Variants in UBAC1 observed in about 807,000 individuals in gnomAD.
The protein encoded by UBAC1 is UBA domain containing 1.
A neutral mutation model predicts 45.9 loss-of-function variants in UBAC1; 27 were observed. The observed-to-expected ratio is 0.59, with a 90% CI of 0.43 to 0.81. The LOEUF (loss-of-function observed/expected upper bound fraction) is 0.81, where lower values mean the gene tolerates loss of function less well. Among genes scored for constraint, UBAC1 ranks in the 30% least tolerant of loss-of-function variants. The pLI, the probability that UBAC1 is intolerant of heterozygous loss-of-function variation, is 0.00. For synonymous variants in UBAC1, 227 were observed against 215.5 expected, an observed-to-expected ratio of 1.05 and a Z score of -0.47; for missense variants, 529 against 539.2, an observed-to-expected ratio of 0.98 and a Z score of 0.19.
chr9:135,961,069 C>A lies in UBAC1; in HGVS notation c.94G>T (p.Glu32Ter). The A allele has an allele frequency of 6.3e-7, 1 of 1,581,904 alleles. No individual in the cohort carries two copies. Among genetic ancestry groups the A allele is most frequent in the Non-Finnish European group, 8.5e-7 (1 of 1,169,880 alleles). Residue 32 changes from glutamate (E) to a stop codon, truncating the protein, a stop_gained, in exon 1 of 10, where the codon GAG becomes TAG. Transcript: ENST00000371756. LOFTEE classifies it high-confidence loss of function. ...DGAEWLEEAT[E>*]DTSVEKLKER... ...TTGAGCTTCTCCACCGAGGTGTCCT[C>A]GGTGGCCTCCTCCAGCCACTCGGCG... is the stretch of plus-strand genomic sequence containing the variant.
At chr9:135,958,269 G>A (rs548731926) in intron 1 of UBAC1, among the ~76,000 whole-genome samples, 4 of 152,150 alleles carry the variant, frequency 2.6e-5, no homozygotes, top group South Asian at 2.1e-4. Flanking sequence ...GAATGGTCTC[G>A]ATCTCCTGAC....
intron 1 of UBAC1, among the ~76,000 whole-genome samples, chr9:135,959,576 T>C (rs897025258): frequency 5.3e-5 from 8 of 152,202 alleles, no homozygotes; most frequent in Middle Eastern, 3.4e-3. Flanking sequence ...GGTTTCACCA[T>C]GTTGGCCAAG....
intron 6 of UBAC1, 40 bp downstream of exon 6, chr9:135,945,849 A>G: frequency 1.3e-6 from 2 of 1,564,058 alleles, no homozygotes; most frequent in Non-Finnish European, 8.8e-7. Context: ...ACCAGGCCCC[A>G]GGTGTCTCCG....
chr9:135,938,412 A>T, intron 8 of UBAC1, 52 bp from the exon 9 acceptor site: 1 of 1,587,538 alleles, frequency 6.3e-7, no homozygotes. Flanking sequence ...GTGCCTCCGC[A>T]AGACGCCACC....
chr9:135,955,542 G>T, intron 1 of UBAC1, 127 bp from the exon 2 acceptor site: 1 of 1,055,976 alleles, frequency 9.5e-7, no homozygotes, highest in Non-Finnish European at 1.3e-6. Flanking sequence ...ATTACACCAT[G>T]GATGAAATTA....
intron 9 of UBAC1, among the ~76,000 whole-genome samples, chr9:135,935,878 T>G (rs1036061607): frequency 5.3e-5 from 8 of 151,858 alleles, no homozygotes; most frequent in Non-Finnish European, 8.8e-5. Flanking sequence ...TACAAAAAAT[T>G]AGCCGGGCAC....
rs1279042778 is a variant in UBAC1 at position 135,938,293 on chromosome 9, C to A, written c.1031G>T (p.Ser344Ile). The A allele has an allele frequency of 1.4e-5, 23 of 1,614,182 alleles. No individual in the cohort carries two copies. The highest frequency in any genetic ancestry group is 1.9e-5 in the Non-Finnish European group (23 of 1,180,046). The change falls in exon 9 of 10, where the codon AGT becomes ATT. Residue 344 changes from serine (S) to isoleucine (I), a missense_variant. Coordinates refer to ENST00000371756, the MANE Select transcript of UBAC1 (RefSeq NM_016172.3). ...EELDKGIDPD[S>I]PLFQAILDNP... is the part of the protein sequence containing the mutation. Reference sequence around the variant, plus strand: ...ATCCAGGATGGCCTGAAAGAGAGGACTGTCGGGGTCGATGCCCTTGTCCAG... The same window carrying A: ...ATCCAGGATGGCCTGAAAGAGAGGAATGTCGGGGTCGATGCCCTTGTCCAG...
chr9:135,933,597 CT>C, intron 9 of UBAC1, 82 bp from the exon 10 acceptor site: 1 of 987,312 alleles, frequency 1.0e-6, no homozygotes, highest in East Asian at 2.4e-5. Flanking sequence ...TCTTCGGCAG[CT>C]TCCTAATGAA....
At chr9:135,934,297 A>G (rs559722994) in intron 9 of UBAC1, among the ~76,000 whole-genome samples, 8 of 152,258 alleles carry the variant, frequency 5.3e-5, no homozygotes, top group African/African-American at 1.9e-4. Context: ...TCTGTTCATG[A>G]TTGGACAATC....
At chr9:135,960,204 G>A (rs1411306034) in intron 1 of UBAC1, among the ~76,000 whole-genome samples, 1 of 152,168 alleles carries the variant, frequency 6.6e-6, no homozygotes, top group Non-Finnish European at 1.5e-5. Context: ...ATAGACAGGA[G>A]GTCAGTCTGA....
chr9:135,941,810 G>T (rs549593665), intron 7 of UBAC1, among the ~76,000 whole-genome samples: 1 of 152,366 alleles, frequency 6.6e-6, no homozygotes, highest in Non-Finnish European at 1.5e-5. Flanking sequence ...CTACCACTGG[G>T]AAGGGAGGGG....
rs553722525 is a variant in UBAC1 at position 135,947,616 on chromosome 9, G to T, written c.441+182C>A. The T allele has an allele frequency of 1.4e-5, 7 of 491,264 alleles. No homozygotes were observed. In the East Asian group the frequency reaches 2.4e-4, roughly 17 times the overall value. The allele number at this position is 491,264 out of a possible 1,614,324, so 30.4% of individuals were successfully genotyped here. On this transcript the variant is annotated intron_variant, in intron 4 of 9. Coordinates refer to ENST00000371756, the MANE Select transcript of UBAC1 (RefSeq NM_016172.3). ...TCAGATGGCTTTCCAACTCTTACTT[G>T]GAAATAATTTTTGATTTACAGAAAA...
chr9:135,934,118 T>A (rs1025633761), intron 9 of UBAC1, among the ~76,000 whole-genome samples: 2 of 152,196 alleles, frequency 1.3e-5, no homozygotes, highest in African/African-American at 2.4e-5. Context: ...TGCCAGCCCC[T>A]CTGCCAGGAT....
At position 135,953,636 on chromosome 9, in the gene UBAC1, A is replaced by G. The variant is rs375188942; in HGVS notation, c.333+44T>C. 7.2e-4 allele frequency: 1,128 copies of G among 1,567,234 alleles called. 4 individuals carry two copies. In the African/African-American group the frequency reaches 0.013, roughly 18 times the overall value. ...CCCAGCCTGTAATTCTTAAATGTAG[A>G]CTTCTACCAACCAAGGTCCCCAATT... On this transcript the variant is annotated intron_variant, in intron 3 of 9. Transcript: ENST00000371756.
chr9:135,943,167 C>A (rs1291057010), intron 7 of UBAC1, among the ~76,000 whole-genome samples: 2 of 152,166 alleles, frequency 1.3e-5, no homozygotes, highest in Admixed American at 1.3e-4. Flanking sequence ...CACCTGTAAT[C>A]CCAGCACTTT....
rs770677062 is a variant in UBAC1, at chr9:135,945,915, T to C, written c.627A>G (p.Arg209=). 37 of 1,613,958 alleles carry C rather than the reference T, an allele frequency of 2.3e-5. No individual in the cohort carries two copies. Among genetic ancestry groups the C allele is most frequent in the Non-Finnish European group, 3.1e-5 (36 of 1,179,998 alleles). The part of the protein sequence containing the change: ...QLTEMGFPEN[R]ATKALQLNHM... ...GGTTCAGCTGAAGGGCCTTGGTGGC[T>C]CTGTTCTCCGGAAAGCCCATCTCCG... The change falls in exon 6 of 10, where the codon AGA becomes AGG. Residue 209 remains arginine, a synonymous_variant. Transcript: ENST00000371756.
At chr9:135,949,329 A>T (rs1839378385) in intron 3 of UBAC1, among the ~76,000 whole-genome samples, 1 of 152,194 alleles carries the variant, frequency 6.6e-6, no homozygotes. Flanking sequence ...AGAGAAAAGA[A>T]AACAAGGAGA....
At chr9:135,936,147 C>G (rs1839201298) in intron 9 of UBAC1, among the ~76,000 whole-genome samples, 1 of 151,722 alleles carries the variant, frequency 6.6e-6, no homozygotes, top group African/African-American at 2.4e-5. Flanking sequence ...CATCACTGCA[C>G]TCTAGCCTGG....
At chr9:135,953,379 C>T (rs1415815699) in intron 3 of UBAC1, among the ~76,000 whole-genome samples, 3 of 152,144 alleles carry the variant, frequency 2.0e-5, no homozygotes, top group South Asian at 2.1e-4. Flanking sequence ...TGCAGTGGCA[C>T]GATCTCGGCT....
Sources: allele counts gnomAD v4.1 joint callset (sites outside exome capture counted in the v4.1 genomes callset), GRCh38; gene constraint gnomAD v4.1.1; transcripts MANE v1.5; gene names NCBI Gene and HGNC (gene_info 2026-07-23, HGNC 2026-07-21).